Variants in HMGXB4 observed in about 807,000 individuals in gnomAD.
HMGXB4 encodes HMG-box containing 4.
In HMGXB4, 27 loss-of-function variants were observed where a neutral mutation model predicts 63.9. The ratio of observed to expected loss-of-function variants is 0.42; its 90% CI spans 0.31 to 0.58. HMGXB4 has a LOEUF of 0.58. Ranked by LOEUF, HMGXB4 falls within the 20% of genes least tolerant of loss-of-function variation. The pLI, the probability that HMGXB4 is intolerant of heterozygous loss-of-function variation, is 0.13. For missense variants in HMGXB4, 624 were observed against 700.7 expected (o/e 0.89, Z 1.24); for synonymous variants, 264 against 265.3 (o/e 0.99, Z 0.05).
chr22:35,263,300 GTTTT>G, intron 3 of HMGXB4, 74 bp downstream of exon 3: 7 of 869,896 alleles, frequency 8.0e-6, no homozygotes, highest in Admixed American at 3.0e-5. Flanking sequence ...GTTTTTTTTT[GTTTT>G]TTTTTTTTTT....
chr22:35,260,255 G>T (rs568647101), intron 1 of HMGXB4, among the ~76,000 whole-genome samples: 1 of 152,272 alleles, frequency 6.6e-6, no homozygotes, highest in South Asian at 2.1e-4. Context: ...CAAAATTCAT[G>T]CACAGAAAGT....
chr22:35,273,324 C>T (rs1923720394), intron 5 of HMGXB4, among the ~76,000 whole-genome samples: 1 of 152,220 alleles, frequency 6.6e-6, no homozygotes, highest in African/African-American at 2.4e-5. Flanking sequence ...CTTTCCACAA[C>T]TTTAAGACAT....
chr22:35,263,704 T>A (rs1923013141), intron 3 of HMGXB4, 92 bp from the exon 4 acceptor site: 1 of 856,820 alleles, frequency 1.2e-6, no homozygotes, highest in Non-Finnish European at 2.0e-6. Flanking sequence ...TGTGCTTTGT[T>A]TCCCAAAATC....
chr22:35,242,990 T>C, the HMGXB4 span, among the ~76,000 whole-genome samples: 1 of 152,230 alleles, frequency 6.6e-6, no homozygotes, highest in Admixed American at 6.5e-5. Flanking sequence ...CAAAATTGTC[T>C]CTGTATGATT....
At chr22:35,250,678 G>A in the HMGXB4 span, among the ~76,000 whole-genome samples, 1 of 152,066 alleles carries the variant, frequency 6.6e-6, no homozygotes, top group African/African-American at 2.4e-5. Context: ...GAGCAAACCG[G>A]TCAGCTTACA....
At chr22:35,252,612 GTTAGATC>G (rs919439070), upstream of HMGXB4, among the ~76,000 whole-genome samples, 7 of 152,248 alleles carry the variant, frequency 4.6e-5, no homozygotes, top group African/African-American at 1.7e-4. Flanking sequence ...TCAGTATCAA[GTTAGATC>G]TTGAAGAATA....
intron 6 of HMGXB4, among the ~76,000 whole-genome samples, chr22:35,284,443 GA>G (rs934920546): frequency 6.6e-5 from 10 of 152,162 alleles, no homozygotes; most frequent in African/African-American, 2.4e-4. Context: ...TAAACCCATT[GA>G]AAATTGAAAA....
chr22:35,251,991 G>T, the HMGXB4 span, among the ~76,000 whole-genome samples: 2 of 152,176 alleles, frequency 1.3e-5, no homozygotes, highest in African/African-American at 4.8e-5. Flanking sequence ...AAGGCGGGTG[G>T]ATCACCTGAG....
chr22:35,271,644 T>C (rs921571527), intron 5 of HMGXB4, among the ~76,000 whole-genome samples: 15 of 152,160 alleles, frequency 9.9e-5, no homozygotes, highest in African/African-American at 3.4e-4. Flanking sequence ...AATGAGGCAA[T>C]ACATGCGGAA....
the HMGXB4 span, among the ~76,000 whole-genome samples, chr22:35,247,737 GGTTTGTTTGTTT>G: frequency 1.3e-5 from 2 of 151,650 alleles, no homozygotes; most frequent in African/African-American, 4.9e-5. Context: ...TTTTTTTGCT[GGTTTGTTTGTTT>G]GTTTGTTTGT....
At chr22:35,253,444 G>A (rs1306714305), upstream of HMGXB4, among the ~76,000 whole-genome samples, 3 of 152,076 alleles carry the variant, frequency 2.0e-5, no homozygotes, top group Non-Finnish European at 4.4e-5. Flanking sequence ...TTCACCATAG[G>A]GGACATTTAT....
intron 9 of HMGXB4, among the ~76,000 whole-genome samples, chr22:35,290,312 A>G (rs969136223): frequency 1.3e-5 from 2 of 152,200 alleles, no homozygotes. Flanking sequence ...ATTGTGAATC[A>G]CTACTATTTC....
intron 1 of HMGXB4, among the ~76,000 whole-genome samples, chr22:35,259,690 G>A (rs1601622233): frequency 6.6e-6 from 1 of 152,194 alleles, no homozygotes; most frequent in African/African-American, 2.4e-5. Flanking sequence ...CCATCGGTCT[G>A]CCCAAGCTGT....
At chr22:35,252,731 T>G (rs1044556269), upstream of HMGXB4, among the ~76,000 whole-genome samples, 1 of 152,102 alleles carries the variant, frequency 6.6e-6, no homozygotes, top group Non-Finnish European at 1.5e-5. Flanking sequence ...TGGCCAGGCG[T>G]AGTGGCTCAC....
At chr22:35,243,129 G>C in the HMGXB4 span, among the ~76,000 whole-genome samples, 1 of 152,174 alleles carries the variant, frequency 6.6e-6, no homozygotes, top group Non-Finnish European at 1.5e-5. Flanking sequence ...CCAGCACTTT[G>C]GGATGCCAAG....
rs201048393 is a variant in HMGXB4, at chr22:35,265,567, A to G, written c.1179A>G (p.Lys393=). 1 of 1,595,276 alleles carries G rather than the reference A, an allele frequency of 6.3e-7. No homozygotes were observed. The highest frequency in any genetic ancestry group is 2.2e-5 in the East Asian group (1 of 44,714). The change falls in exon 5 of 11, where the codon AAA becomes AAG. Residue 393 remains lysine (K), a synonymous_variant. Transcript: ENST00000216106. ...GGCATAGTGAAAAAAAAAAGAAAAA[A>G]GAAGAGAAGGACAAAGAGAGAGAGA... ...TDGHSEKKKK[K]EEKDKERERG...
chr22:35,289,119 G>A (rs570110118), intron 9 of HMGXB4, among the ~76,000 whole-genome samples: 4 of 150,064 alleles, frequency 2.7e-5, no homozygotes, highest in South Asian at 2.1e-4. Context: ...CAGCCTGGGC[G>A]ATAGAGCAAG....
At chr22:35,261,512 T>C (rs1922855171) in intron 1 of HMGXB4, among the ~76,000 whole-genome samples, 1 of 151,784 alleles carries the variant, frequency 6.6e-6, no homozygotes. Context: ...AATGGACATA[T>C]AAACTCAAAT....
intron 5 of HMGXB4, among the ~76,000 whole-genome samples, chr22:35,267,163 A>ATT: frequency 7.3e-6 from 1 of 137,416 alleles, no homozygotes; most frequent in Non-Finnish European, 1.6e-5. Flanking sequence ...TAATATATAT[A>ATT]AAATAATATA....
Sources: gnomAD v4.1 joint callset for allele counts (sites outside exome capture counted in the v4.1 genomes callset) on GRCh38, gnomAD v4.1.1 for gene constraint, MANE v1.5 for transcripts, NCBI Gene and HGNC (gene_info 2026-07-23, HGNC 2026-07-21) for gene names.